ZNF101: variants seen among roughly 807,000 people sequenced by gnomAD.
ZNF101 encodes the protein zinc finger protein 101 (Y2).
Under a neutral mutation model 42.6 loss-of-function variants are expected in ZNF101, and 34 were observed. That is an observed-to-expected ratio of 0.80 (90% CI 0.61 to 1.06). ZNF101 has a LOEUF of 1.06. ZNF101 is among the 50% of genes least tolerant of loss of function. The pLI is 0.00. For missense variants in ZNF101, 466 were observed against 530.9 expected, an observed-to-expected ratio of 0.88 and a Z score of 1.20; for synonymous variants, 158 against 183.9, an observed-to-expected ratio of 0.86 and a Z score of 1.14.
intron 1 of ZNF101, among the ~76,000 whole-genome samples, chr19:19,671,726 C>T (rs1029293946): frequency 3.9e-5 from 6 of 152,100 alleles, no homozygotes; most frequent in Non-Finnish European, 8.8e-5. Context: ...GTCTCGATCT[C>T]CTGACCTCGT....
intron 1 of ZNF101, chr19:19,676,423 T>G (rs967964166): frequency 5.3e-5 from 8 of 152,140 alleles, no homozygotes; most frequent in African/African-American, 1.9e-4. Flanking sequence ...ACTGGCCCAT[T>G]GAAGACTCTT....
intron 1 of ZNF101, among the ~76,000 whole-genome samples, chr19:19,674,507 A>G (rs770344244): frequency 1.4e-4 from 22 of 152,090 alleles, no homozygotes; most frequent in Non-Finnish European, 2.9e-5. Context: ...CCATCCTTGC[A>G]TTTTGCGGAT....
intron 1 of ZNF101, among the ~76,000 whole-genome samples, chr19:19,672,978 T>C (rs1392262767): frequency 2.0e-5 from 3 of 152,048 alleles, no homozygotes; most frequent in Admixed American, 2.0e-4. Flanking sequence ...AGAGTCTTGC[T>C]CTATCACCCA....
At chr19:19,668,758 C>G, upstream of ZNF101, 1 of 560,712 alleles carries the variant, frequency 1.8e-6, no homozygotes. Context: ...AGGCGCTGTG[C>G]GGCAAACTGT....
chr19:19,676,459 C>A (rs1227601643), intron 1 of ZNF101: 1 of 152,032 alleles, frequency 6.6e-6, no homozygotes, highest in Non-Finnish European at 1.5e-5. Context: ...ATTTGTTTAT[C>A]TCTCTGCTAA....
At chr19:19,671,106 C>G (rs1396148887) in intron 1 of ZNF101, among the ~76,000 whole-genome samples, 1 of 152,002 alleles carries the variant, frequency 6.6e-6, no homozygotes, top group Non-Finnish European at 1.5e-5. Flanking sequence ...GACTCCATCT[C>G]AAAAAATACA....
chr19:19,679,699 C>T lies in ZNF101; in HGVS notation c.710C>T (p.Pro237Leu). 2 of 1,613,996 alleles carry T rather than the reference C, an allele frequency of 1.2e-6. No homozygotes were observed. Among genetic ancestry groups the T allele is most frequent in the Non-Finnish European group, 1.7e-6 (2 of 1,179,984 alleles). The change falls in exon 4 of 4, where the codon CCC becomes CTC. Residue 237 changes from proline (P) to leucine (L), a missense_variant. Pro to Leu is a moderately conservative substitution (Grantham distance 98). Coordinates refer to ENST00000592502, the MANE Select transcript of ZNF101 (RefSeq NM_033204.4). ...CKYCGKPIDY[P>L]SLFQIHVRTH... ...TACTGTGGAAAACCTATCGATTATC[C>T]CAGTTTATTTCAAATTCATGTTAGA...
intron 1 of ZNF101, among the ~76,000 whole-genome samples, chr19:19,673,212 A>C (rs1001397769): frequency 6.7e-6 from 1 of 150,336 alleles, no homozygotes; most frequent in Admixed American, 6.7e-5. Flanking sequence ...TGGCCTCCCA[A>C]AGTGGTGGGA....
intron 1 of ZNF101, among the ~76,000 whole-genome samples, chr19:19,673,330 A>G (rs1392884436): frequency 6.8e-6 from 1 of 146,444 alleles, no homozygotes; most frequent in Non-Finnish European, 1.5e-5. Flanking sequence ...GCTCACTGCA[A>G]CCTCCACCTT....
Position 19,683,168 on chromosome 19 carries a change from C to T in ZNF101, c.*2868C>T, listed in dbSNP as rs1239882953. ...TGTGGCAGATTCTGCATATTCCTCA[C>T]CCATCATATGTATTCCACTTTCCTT... On this transcript the variant is annotated 3_prime_UTR_variant, in exon 4 of 4. Coordinates refer to ENST00000592502, the MANE Select transcript of ZNF101 (RefSeq NM_033204.4). 6.6e-6 allele frequency: 1 copy of T among 152,156 alleles called. No homozygotes were observed. The highest frequency in any genetic ancestry group is 1.5e-5 in the Non-Finnish European group (1 of 68,036). 9.4% of individuals were successfully genotyped at this position (152,156 alleles called of 1,614,324 possible).
intron 1 of ZNF101, among the ~76,000 whole-genome samples, chr19:19,674,641 G>A (rs1436791668): frequency 6.6e-6 from 1 of 152,024 alleles, no homozygotes; most frequent in Non-Finnish European, 1.5e-5. Context: ...GTTTTTTGTA[G>A]TGTCTGTCTT....
At chr19:19,669,715 C>CT (rs1444050340) in intron 1 of ZNF101, among the ~76,000 whole-genome samples, 4 of 152,104 alleles carry the variant, frequency 2.6e-5, no homozygotes, top group Non-Finnish European at 5.9e-5. Context: ...AAGTCCTGAT[C>CT]TCAGGTATCT....
rs760400745 is a variant in ZNF101 at position 19,680,016 on chromosome 19, T to G, written c.1027T>G (p.Cys343Gly). The part of the protein sequence containing the change: ...TGERPYECNK[C>G]GKTFNYPSCF... Reference sequence around the variant, plus strand: ...AGAAAGACCTTATGAATGTAATAAATGTGGTAAAACCTTCAATTATCCCAG... The same window carrying G: ...AGAAAGACCTTATGAATGTAATAAAGGTGGTAAAACCTTCAATTATCCCAG... Residue 343 changes from cysteine to glycine, a missense_variant, in exon 4 of 4, where the codon TGT becomes GGT. Cys to Gly is a radical substitution (Grantham distance 159). Transcript: ENST00000592502. 6.2e-7 allele frequency: 1 copy of G among 1,614,064 alleles called. No individual in the cohort carries two copies.
chr19:19,670,327 T>C (rs1335374824), intron 1 of ZNF101, among the ~76,000 whole-genome samples: 1 of 152,174 alleles, frequency 6.6e-6, no homozygotes, highest in African/African-American at 2.4e-5. Context: ...TACTACGGCC[T>C]CAACCTCTGG....
rs879340429 is a variant in ZNF101, at chr19:19,680,690, G to A, written c.*390G>A. The A allele has an allele frequency of 6.5e-6, 1 of 153,814 alleles. No homozygotes were observed. Among genetic ancestry groups the A allele is most frequent in the Non-Finnish European group, 1.4e-5 (1 of 69,468 alleles). 9.5% of individuals were successfully genotyped at this position (153,814 alleles called of 1,614,324 possible). On this transcript the variant is annotated 3_prime_UTR_variant, in exon 4 of 4. Coordinates refer to ENST00000592502, the MANE Select transcript of ZNF101 (RefSeq NM_033204.4). ...TAAAACCAGCACTTTGGGAAGCCGA[G>A]GTGGGTGGATCACGAGGTCCAGAGA...
chr19:19,670,331 C>A (rs553302594), intron 1 of ZNF101, among the ~76,000 whole-genome samples: 1 of 152,192 alleles, frequency 6.6e-6, no homozygotes, highest in Non-Finnish European at 1.5e-5. Flanking sequence ...ACGGCCTCAA[C>A]CTCTGGGGCC....
chr19:19,670,299 A>AGGCAGCCTCCCTTCTGAGGCAGCTCAGG (rs1177225662), intron 1 of ZNF101, among the ~76,000 whole-genome samples: 2 of 152,220 alleles, frequency 1.3e-5, no homozygotes, highest in African/African-American at 4.8e-5. Flanking sequence ...GGTGGCATGC[A>AGGCAGCCTCCCTTCTGAGGCAGCTCAGG]GTGGCACAGT....
chr19:19,679,258 A>G lies in ZNF101; in HGVS notation c.269A>G (p.His90Arg), dbSNP rs2145058384. 6.2e-7 allele frequency: 1 copy of G among 1,614,212 alleles called. No homozygotes were observed. Among genetic ancestry groups the G allele is most frequent in the South Asian group, 1.1e-5 (1 of 91,084 alleles). ...ACTTTCAGCCAGATTCCTGATTGTC[A>G]CCTGAACAAGAAAAGTCAAACTGGA... ...RETFSQIPDC[H>R]LNKKSQTGVK... is the part of the protein sequence containing the mutation. Residue 90 changes from histidine (H) to arginine (R), a missense_variant, in exon 4 of 4, where the codon CAC (histidine) becomes CGC (arginine). By Grantham distance (29) the His-to-Arg change is conservative (BLOSUM62 0). Coordinates refer to ENST00000592502, the MANE Select transcript of ZNF101 (RefSeq NM_033204.4).
In ZNF101 at chr19:19,679,374, C is replaced by T. The variant is rs140983546; in HGVS notation, c.385C>T (p.Arg129Ter). The T allele has an allele frequency of 4.8e-5, 77 of 1,614,116 alleles. No individual in the cohort carries two copies. The African/African-American group carries it at 8.5e-4, about 18-fold the overall frequency. Residue 129 changes from arginine (R) to a stop codon, truncating the protein, a stop_gained, in exon 4 of 4, where the codon CGA becomes TGA. Transcript: ENST00000592502. LOFTEE classifies it high-confidence loss of function. ...RHMRAHAGHK[R>*]SECGGEWRET... is the part of the protein sequence containing the mutation. ...CATGAGAGCTCATGCTGGACACAAA[C>T]GATCTGAGTGTGGTGGGGAATGGAG...
Sources: gnomAD v4.1 joint callset for allele counts (sites outside exome capture counted in the v4.1 genomes callset) on GRCh38, gnomAD v4.1.1 for gene constraint, MANE v1.5 for transcripts, NCBI Gene and HGNC (gene_info 2026-07-23, HGNC 2026-07-21) for gene names.